The following SVIL variants were observed in gnomAD, a reference collection of about 807,000 sequenced individuals.
SVIL encodes archvillin.
SVIL carries 101 observed loss-of-function variants against 240.4 expected under a neutral mutation model. The ratio of observed to expected loss-of-function variants is 0.42; its 90% CI spans 0.36 to 0.50. SVIL has a LOEUF of 0.50. Ranked by LOEUF, SVIL falls within the 20% of genes least tolerant of loss-of-function variation. SVIL has a pLI of 0.01. For synonymous variants in SVIL, 999 were observed against 1,100.0 expected (o/e 0.91, Z 1.82); for missense variants, 2,512 against 2,818.7 (o/e 0.89, Z 2.46).
At chr10:29,571,503 C>T (rs1001051673) in intron 1 of SVIL, among the ~76,000 whole-genome samples, 10 of 152,108 alleles carry the variant, frequency 6.6e-5, no homozygotes, top group African/African-American at 2.4e-4. Flanking sequence ...CTGGCTTTGG[C>T]TAAGTTAAGT....
intron 1 of SVIL, among the ~76,000 whole-genome samples, chr10:29,625,465 T>TA (rs1564713993): frequency 9.9e-4 from 151 of 151,974 alleles, no homozygotes; most frequent in African/African-American, 3.4e-3. Context: ...ATATATATAT[T>TA]TTTTTTCCTT....
rs1446320156 is a variant in SVIL at position 29,533,375 on chromosome 10, C to T, written c.992G>A (p.Arg331Lys). 1 of 1,614,228 alleles carries T rather than the reference C, an allele frequency of 6.2e-7. No homozygotes were observed. Among genetic ancestry groups the T allele is most frequent in the South Asian group, 1.1e-5 (1 of 91,088 alleles). Residue 331 changes from arginine to lysine, a missense_variant, in exon 8 of 38, where the codon AGA (arginine) becomes AAA (lysine). Coordinates refer to ENST00000355867, the MANE Select transcript of SVIL (RefSeq NM_021738.3). ...ELASESVTQR[R>K]HQPAPVHYVS... ...GTAATGGACTGGCGCTGGCTGGTGTCTCCTCTGAGTTACGGACTCTGAGGC... is the reference window on the plus strand; with the variant it reads ...GTAATGGACTGGCGCTGGCTGGTGTTTCCTCTGAGTTACGGACTCTGAGGC...
intron 1 of SVIL, among the ~76,000 whole-genome samples, chr10:29,580,537 A>C (rs973736392): frequency 6.6e-6 from 1 of 152,180 alleles, no homozygotes; most frequent in African/African-American, 2.4e-5. Context: ...GGTGCACTAC[A>C]TGCTCCTCCA....
intron 35 of SVIL, among the ~76,000 whole-genome samples, chr10:29,463,031 T>C (rs1221289651): frequency 1.3e-5 from 2 of 152,206 alleles, no homozygotes; most frequent in Non-Finnish European, 2.9e-5. Flanking sequence ...TCTTTGGATA[T>C]AATACTAAAA....
intron 1 of SVIL, among the ~76,000 whole-genome samples, chr10:29,611,928 G>A (rs185667310): frequency 1.3e-5 from 2 of 152,156 alleles, no homozygotes; most frequent in Non-Finnish European, 2.9e-5. Context: ...TCATTCCATG[G>A]ACTTTACGCT....
chr10:29,514,879 G>T (rs1950106591), intron 16 of SVIL, among the ~76,000 whole-genome samples: 1 of 152,110 alleles, frequency 6.6e-6, no homozygotes, highest in African/African-American at 2.4e-5. Context: ...TAAAAGTTTT[G>T]TTATGCTAAT....
intron 18 of SVIL, among the ~76,000 whole-genome samples, chr10:29,495,778 C>T (rs1343365284): frequency 2.0e-5 from 3 of 152,044 alleles, no homozygotes; most frequent in Non-Finnish European, 4.4e-5. Context: ...GTATATTTAC[C>T]GAGAAGCAGA....
In SVIL at chr10:29,535,218, A is replaced by T. The variant is rs376097099; in HGVS notation, c.908+771T>A. 1.4e-4 allele frequency among the ~76,000 whole-genome samples: 21 copies of T among 152,084 alleles called. No homozygotes were observed. The East Asian group carries it at 3.7e-3, about 27-fold the overall frequency. ...GGTGGTAACTATGAACAACTCAGGG[A>T]AAGAAAACATTCTTAGTTGTTATTT... On this transcript the variant is annotated intron_variant, in intron 7 of 37. Coordinates refer to ENST00000355867, the MANE Select transcript of SVIL (RefSeq NM_021738.3).
At chr10:29,583,146 G>T (rs1956022560) in intron 1 of SVIL, among the ~76,000 whole-genome samples, 1 of 152,172 alleles carries the variant, frequency 6.6e-6, no homozygotes. Flanking sequence ...TTGAAGGAAA[G>T]TTTCAAATAA....
At chr10:29,505,010 G>A (rs1289583904) in intron 17 of SVIL, among the ~76,000 whole-genome samples, 3 of 152,056 alleles carry the variant, frequency 2.0e-5, no homozygotes, top group South Asian at 4.1e-4. Context: ...ATTATTCGAC[G>A]ATACAAAGAA....
At chr10:29,683,800 C>T (rs918640906) in intron 2 of SVIL, among the ~76,000 whole-genome samples, 5 of 152,294 alleles carry the variant, frequency 3.3e-5, no homozygotes, top group East Asian at 1.9e-4. Flanking sequence ...ACTCTCCATG[C>T]ACTCTGGGCT....
chr10:29,680,092 G>A lies in SVIL; in HGVS notation c.-301+6461C>T, dbSNP rs562480740. ...CCCAGCCACTTGGGGGGCTTAGGTG[G>A]GAGGATCTCTTAAGTCCAAGGGGTT... On this transcript the variant is annotated intron_variant, in intron 2 of 35. Transcript: ENST00000375400. Among the ~76,000 whole-genome samples, 3 of 152,246 alleles carry A rather than the reference G, an allele frequency of 2.0e-5. No homozygotes were observed. In the South Asian group the frequency reaches 6.2e-4, roughly 32 times the overall value.
intron 1 of SVIL, among the ~76,000 whole-genome samples, chr10:29,693,982 T>C (rs950532806): frequency 1.2e-4 from 18 of 152,094 alleles, no homozygotes; most frequent in Non-Finnish European, 2.4e-4. Context: ...GATAGATACA[T>C]AGATAAAATT....
Position 29,539,337 on chromosome 10 carries a change from C to G in SVIL, c.828-3268G>C, listed in dbSNP as rs182839465. 1.4e-4 allele frequency among the ~76,000 whole-genome samples: 21 copies of G among 152,266 alleles called. No individual in the cohort carries two copies. In the East Asian group the frequency reaches 3.5e-3, roughly 25 times the overall value. On this transcript the variant is annotated intron_variant, in intron 6 of 37. Transcript: ENST00000355867. ...CTTTTTATGCTTTGAAGACATAATA[C>G]TTATGGAGACCCAATTCAGAAGTCA...
chr10:29,529,031 C>T (rs1951143310), intron 12 of SVIL, among the ~76,000 whole-genome samples: 1 of 151,838 alleles, frequency 6.6e-6, no homozygotes, highest in Non-Finnish European at 1.5e-5. Context: ...CAAAAATTAG[C>T]TGAGTGTGGT....
At position 29,483,110 on chromosome 10, in the gene SVIL, C is replaced by CTG. The variant is rs1457953472; in HGVS notation, c.4956-1384_4956-1383dup. ...GAAAATGCACGGCGGTCTTGAAAGG[C>CTG]TGTGGTCTTTATCAGAAAATATCTG... On this transcript the variant is annotated intron_variant, in intron 27 of 37. Transcript: ENST00000355867. The CTG allele has an allele frequency of 2.6e-5, 4 of 152,242 alleles. No individual in the cohort carries two copies. In the East Asian group the frequency reaches 5.8e-4, roughly 22 times the overall value. 9.4% of individuals were successfully genotyped at this position (152,242 alleles called of 1,614,324 possible).
Position 29,457,474 on chromosome 10 carries a change from A to C in SVIL, c.*773T>G, listed in dbSNP as rs1943704559. ...TTTTATTTTGACTATTTGAGAGTAA[A>C]ATTGTAGATAATGTTCCAAACCATC... On this transcript the variant is annotated 3_prime_UTR_variant, in exon 38 of 38. Coordinates refer to ENST00000355867, the MANE Select transcript of SVIL (RefSeq NM_021738.3). 6.6e-6 allele frequency: 1 copy of C among 152,650 alleles called. No homozygotes were observed. Among genetic ancestry groups the C allele is most frequent in the Non-Finnish European group, 1.5e-5 (1 of 68,032 alleles). 9.5% of individuals were successfully genotyped at this position (152,650 alleles called of 1,614,324 possible). A position where few individuals can be genotyped will look rare whatever the true frequency, so the allele number is the denominator to read the frequency against.
At position 29,614,740 on chromosome 10, in the gene SVIL, A is replaced by C. The variant is rs540580925; in HGVS notation, c.-201+19680T>G. Reference sequence around the variant, plus strand: ...ATGAGTTAATGGGTTCAGCAAACCAACATGGCACATGTATACCTATGTAAC... The same window carrying C: ...ATGAGTTAATGGGTTCAGCAAACCACCATGGCACATGTATACCTATGTAAC... On this transcript the variant is annotated intron_variant, in intron 1 of 37. Coordinates refer to ENST00000355867, the MANE Select transcript of SVIL (RefSeq NM_021738.3). Among the ~76,000 whole-genome samples, 5 of 152,312 alleles carry C rather than the reference A, an allele frequency of 3.3e-5. No individual in the cohort carries two copies. The South Asian group carries it at 1.0e-3, about 32-fold the overall frequency.
At chr10:29,728,725 G>C (rs75890227) in intron 1 of SVIL, among the ~76,000 whole-genome samples, 3,752 of 152,286 alleles carry the variant, frequency 0.025, 169 homozygotes, top group African/African-American at 0.086. Context: ...GCAGCATGGA[G>C]GAGCTGAACG....
Sources: allele counts gnomAD v4.1 joint callset (sites outside exome capture counted in the v4.1 genomes callset), GRCh38; gene constraint gnomAD v4.1.1; transcripts MANE v1.5; gene names NCBI Gene and HGNC (gene_info 2026-07-23, HGNC 2026-07-21).